Variants in HMGB1 observed in about 807,000 individuals in gnomAD.
HMGB1 encodes the protein high mobility group protein B1.
For synonymous variants in HMGB1, 81 were observed against 84.0 expected (o/e 0.96, Z 0.19); for missense variants, 79 against 253.5 (o/e 0.31, Z 4.67).
intron 1 of HMGB1, among the ~76,000 whole-genome samples, chr13:30,546,859 G>A (rs77924052): frequency 6.6e-6 from 1 of 152,270 alleles, no homozygotes; most frequent in East Asian, 1.9e-4. Context: ...ACCTTTAGGG[G>A]TACCTGAAGG....
intron 1 of HMGB1, among the ~76,000 whole-genome samples, chr13:30,524,315 T>C (rs187974704): frequency 2.1e-5 from 3 of 141,416 alleles, no homozygotes; most frequent in African/African-American, 8.0e-5. Context: ...TCTGCACATG[T>C]ATCCCAGAGC....
At chr13:30,568,274 A>C (rs1201245650) in intron 1 of HMGB1, among the ~76,000 whole-genome samples, 1 of 152,152 alleles carries the variant, frequency 6.6e-6, no homozygotes, top group Non-Finnish European at 1.5e-5. Flanking sequence ...TGAGAAGCCA[A>C]GGTGGGAGAA....
intron 1 of HMGB1, chr13:30,541,565 A>G (rs1868889200): frequency 6.6e-6 from 1 of 152,618 alleles, no homozygotes; most frequent in Non-Finnish European, 1.5e-5. Flanking sequence ...AATAACAGGA[A>G]AAGCAAATCA....
intron 1 of HMGB1, among the ~76,000 whole-genome samples, chr13:30,523,086 C>T (rs1037207918): frequency 1.3e-5 from 2 of 152,180 alleles, no homozygotes; most frequent in African/African-American, 4.8e-5. Context: ...GGTTGGTCTA[C>T]TTTTGGTACA....
intron 1 of HMGB1, among the ~76,000 whole-genome samples, chr13:30,541,341 C>T (rs1269323067): frequency 3.4e-5 from 5 of 146,394 alleles, no homozygotes; most frequent in Non-Finnish European, 7.4e-5. Flanking sequence ...AATTAAAAAT[C>T]AGAACAATCT....
At chr13:30,464,999 C>T (rs1886669816) in intron 1 of HMGB1, 1 of 163,144 alleles carries the variant, frequency 6.1e-6, no homozygotes, top group African/African-American at 2.7e-5. Context: ...TCTCCCTCCG[C>T]GCGGGCCGCG....
chr13:30,541,303 G>A (rs543090936), intron 1 of HMGB1, among the ~76,000 whole-genome samples: 1 of 151,990 alleles, frequency 6.6e-6, no homozygotes, highest in Non-Finnish European at 1.5e-5. Context: ...AATCCAACAT[G>A]GGCAACGTAG....
chr13:30,519,560 C>T (rs1349466792), intron 1 of HMGB1, among the ~76,000 whole-genome samples: 26 of 149,766 alleles, frequency 1.7e-4, no homozygotes, highest in East Asian at 7.9e-4. Flanking sequence ...ATTAGCCAGG[C>T]GTGGTGGCGG....
At chr13:30,516,541 T>C (rs888978418) in intron 1 of HMGB1, among the ~76,000 whole-genome samples, 1 of 152,222 alleles carries the variant, frequency 6.6e-6, no homozygotes, top group Non-Finnish European at 1.5e-5. Flanking sequence ...TGTCATCTAA[T>C]ACTTTATAAT....
chr13:30,597,770 T>C (rs1871681631), intron 1 of HMGB1, among the ~76,000 whole-genome samples: 1 of 152,116 alleles, frequency 6.6e-6, no homozygotes, highest in South Asian at 2.1e-4. Flanking sequence ...TATAACTCCT[T>C]AAAAATGTAA....
At chr13:30,612,275 G>A (rs1426899472) in intron 1 of HMGB1, among the ~76,000 whole-genome samples, 3 of 151,438 alleles carry the variant, frequency 2.0e-5, no homozygotes, top group African/African-American at 7.3e-5. Context: ...ACAAACAGGT[G>A]GTGAGAAAGA....
chr13:30,516,853 G>T (rs1414403847), intron 1 of HMGB1, among the ~76,000 whole-genome samples: 8 of 152,082 alleles, frequency 5.3e-5, no homozygotes, highest in Non-Finnish European at 1.2e-4. Flanking sequence ...GGAGATCGAG[G>T]CTGCAATGAG....
intron 1 of HMGB1, among the ~76,000 whole-genome samples, chr13:30,478,841 C>T (rs1041500141): frequency 6.0e-5 from 9 of 150,594 alleles, no homozygotes; most frequent in Middle Eastern, 3.4e-3. Flanking sequence ...GCCCCCAAAT[C>T]CCAATTTCTT....
intron 1 of HMGB1, among the ~76,000 whole-genome samples, chr13:30,566,026 G>C (rs1870169083): frequency 6.6e-6 from 1 of 152,192 alleles, no homozygotes; most frequent in East Asian, 1.9e-4. Flanking sequence ...TTCAGACTGT[G>C]GTTTACCTGC....
At chr13:30,482,251 C>T (rs979305818) in intron 1 of HMGB1, among the ~76,000 whole-genome samples, 6 of 152,168 alleles carry the variant, frequency 3.9e-5, no homozygotes, top group African/African-American at 1.4e-4. Context: ...TGTCCCTCCT[C>T]CTCTCCCTTT....
At chr13:30,461,604 GAAC>G in intron 4 of HMGB1, 71 bp from the exon 5 acceptor site, 1 of 1,572,360 alleles carries the variant, frequency 6.4e-7, no homozygotes. Flanking sequence ...GAACATGGCA[GAAC>G]TTTATGAAAG....
intron 1 of HMGB1, among the ~76,000 whole-genome samples, chr13:30,515,486 T>G (rs1404260563): frequency 6.6e-6 from 1 of 152,226 alleles, no homozygotes; most frequent in Non-Finnish European, 1.5e-5. Context: ...CTTTCACTAT[T>G]GAACAAAACG....
intron 1 of HMGB1, among the ~76,000 whole-genome samples, chr13:30,601,353 T>C (rs1566037241): frequency 6.6e-6 from 1 of 152,226 alleles, no homozygotes; most frequent in Non-Finnish European, 1.5e-5. Flanking sequence ...TCTCTTCACA[T>C]GGACACGCAT....
intron 1 of HMGB1, among the ~76,000 whole-genome samples, chr13:30,532,985 C>T (rs1192734322): frequency 1.3e-5 from 2 of 152,084 alleles, no homozygotes; most frequent in Non-Finnish European, 2.9e-5. Flanking sequence ...TGTTATTTCC[C>T]CCACTTTTAC....
Sources: allele counts gnomAD v4.1 joint callset (sites outside exome capture counted in the v4.1 genomes callset), GRCh38; gene constraint gnomAD v4.1.1; transcripts MANE v1.5; gene names NCBI Gene and HGNC (gene_info 2026-07-23, HGNC 2026-07-21).